IL1RAPL1: variants seen among roughly 807,000 people sequenced by gnomAD.
IL1RAPL1 encodes interleukin-1 receptor accessory protein-like 1.
In IL1RAPL1, 3 loss-of-function variants were observed where a neutral mutation model predicts 48.4. The observed-to-expected ratio is 0.06, with a 90% CI of 0.03 to 0.16. IL1RAPL1 has a LOEUF of 0.16. IL1RAPL1 is among the 10% of genes least tolerant of loss of function. The pLI is 1.00. For synonymous variants in IL1RAPL1, 185 were observed against 187.7 expected (o/e 0.99, Z 0.12); for missense variants, 349 against 530.6 (o/e 0.66, Z 3.36).
At chrX:29,458,127 A>T (rs900483385) in intron 5 of IL1RAPL1, among the ~76,000 whole-genome samples, 1 of 111,534 alleles carries the variant, frequency 9.0e-6, no homozygotes, top group Non-Finnish European at 1.9e-5. Context: ...TGTGGTTTTT[A>T]CTTGTTGATT....
intron 6 of IL1RAPL1, among the ~76,000 whole-genome samples, chrX:29,693,639 C>T (rs980087681): frequency 1.8e-5 from 2 of 111,894 alleles, no homozygotes; most frequent in Non-Finnish European, 3.8e-5. Context: ...ATAAGCTAAA[C>T]TGACATAACT....
intron 2 of IL1RAPL1, among the ~76,000 whole-genome samples, chrX:29,002,916 T>TACACACACACAC (rs371924976): frequency 1.5e-4 from 15 of 103,005 alleles, no homozygotes; most frequent in Middle Eastern, 5.1e-3. Context: ...GTTATGTGTG[T>TACACACACACAC]ACACACACAC....
intron 9 of IL1RAPL1, 67 bp downstream of exon 9, chrX:29,941,861 A>G: frequency 9.7e-7 from 1 of 1,033,781 alleles, no homozygotes; most frequent in Non-Finnish European, 1.3e-6. Context: ...TTGTTTTATT[A>G]AGGGGAAAAA....
At chrX:29,517,501 C>A (rs951072641) in intron 5 of IL1RAPL1, among the ~76,000 whole-genome samples, 6 of 111,492 alleles carry the variant, frequency 5.4e-5, no homozygotes, top group Non-Finnish European at 1.1e-4. Context: ...TGTGAATTTT[C>A]AGCCATTTGT....
chrX:29,527,612 G>A (rs1003953254), intron 5 of IL1RAPL1, among the ~76,000 whole-genome samples: 11 of 110,091 alleles, frequency 1.0e-4, no homozygotes, highest in South Asian at 3.8e-4. Flanking sequence ...GGCGTGAGCC[G>A]CTGTGCCTGG....
chrX:29,381,425 T>A (rs1390942272), intron 3 of IL1RAPL1, among the ~76,000 whole-genome samples: 1 of 80,802 alleles, frequency 1.2e-5, no homozygotes, highest in Non-Finnish European at 2.2e-5. Flanking sequence ...GAGGCCGAGG[T>A]GGGAGGATTG....
At chrX:29,723,437 C>T (rs1927693267) in intron 6 of IL1RAPL1, among the ~76,000 whole-genome samples, 1 of 111,277 alleles carries the variant, frequency 9.0e-6, no homozygotes, top group Non-Finnish European at 1.9e-5. Flanking sequence ...TTAGTAGAGA[C>T]GGGGTTTCGC....
intron 1 of IL1RAPL1, among the ~76,000 whole-genome samples, chrX:28,697,700 C>G (rs1287812623): frequency 9.0e-6 from 1 of 111,443 alleles, no homozygotes; most frequent in Non-Finnish European, 1.9e-5. Context: ...AATATTTGAT[C>G]AAGTTGTCAT....
chrX:29,132,671 T>C (rs895261926), intron 2 of IL1RAPL1, among the ~76,000 whole-genome samples: 2 of 111,870 alleles, frequency 1.8e-5, no homozygotes, highest in Non-Finnish European at 1.9e-5. Flanking sequence ...GGCTTATTTT[T>C]ATCTTGTGGA....
At chrX:28,814,033 C>T (rs1183647943) in intron 2 of IL1RAPL1, among the ~76,000 whole-genome samples, 3 of 110,590 alleles carry the variant, frequency 2.7e-5, no homozygotes, top group African/African-American at 9.8e-5. Flanking sequence ...TTCTTGGTTG[C>T]ACTCACAGTG....
At chrX:29,498,402 T>C (rs1305975426) in intron 5 of IL1RAPL1, among the ~76,000 whole-genome samples, 1 of 112,077 alleles carries the variant, frequency 8.9e-6, no homozygotes, top group Non-Finnish European at 1.9e-5. Context: ...TTTCTTTTCA[T>C]TGCCCTCTTC....
At chrX:29,416,915 T>C (rs926147677) in intron 5 of IL1RAPL1, among the ~76,000 whole-genome samples, 1 of 111,708 alleles carries the variant, frequency 9.0e-6, no homozygotes, top group Admixed American at 9.5e-5. Flanking sequence ...TTTTTTATTA[T>C]GTTAAAATTT....
At chrX:29,421,751 A>T in intron 5 of IL1RAPL1, among the ~76,000 whole-genome samples, 1 of 111,971 alleles carries the variant, frequency 8.9e-6, no homozygotes, top group East Asian at 2.8e-4. Context: ...CCCAAAAATG[A>T]TACAGAATGG....
At chrX:29,506,693 T>A (rs1935333970) in intron 5 of IL1RAPL1, among the ~76,000 whole-genome samples, 1 of 109,619 alleles carries the variant, frequency 9.1e-6, no homozygotes, top group Admixed American at 9.7e-5. Context: ...ATAGTACTGC[T>A]GAATGGCCAC....
intron 1 of IL1RAPL1, among the ~76,000 whole-genome samples, chrX:28,762,784 G>GCGCGCA (rs1936187585): frequency 1.8e-5 from 1 of 54,376 alleles, no homozygotes; most frequent in African/African-American, 1.2e-4. Flanking sequence ...ACGCACGCGC[G>GCGCGCA]CGCACACACA....
intron 1 of IL1RAPL1, among the ~76,000 whole-genome samples, chrX:28,747,322 T>G (rs937435593): frequency 8.9e-6 from 1 of 111,885 alleles, no homozygotes; most frequent in African/African-American, 3.2e-5. Flanking sequence ...AATCTATATT[T>G]CATTCTTACC....
At chrX:29,008,238 C>G (rs1330696181) in intron 2 of IL1RAPL1, among the ~76,000 whole-genome samples, 5 of 109,790 alleles carry the variant, frequency 4.6e-5, no homozygotes, top group Non-Finnish European at 9.5e-5. Context: ...GGCGTGATCT[C>G]GGCTCACTGC....
chrX:29,126,125 A>C, intron 2 of IL1RAPL1, among the ~76,000 whole-genome samples: 1 of 111,608 alleles, frequency 9.0e-6, no homozygotes, highest in Non-Finnish European at 1.9e-5. Context: ...AAGAATAGCT[A>C]ATTTTACAGT....
At chrX:28,815,839 GTATATATATATATATATATATATA>G (rs61436993) in intron 2 of IL1RAPL1, among the ~76,000 whole-genome samples, 33 of 29,109 alleles carry the variant, frequency 1.1e-3, no homozygotes, top group East Asian at 2.6e-3. Context: ...GTGTGTTTAT[GTATATATATATATATATATATATA>G]TATATATATA....
Sources: allele counts gnomAD v4.1 joint callset (sites outside exome capture counted in the v4.1 genomes callset), GRCh38; gene constraint gnomAD v4.1.1; transcripts MANE v1.5; gene names NCBI Gene and HGNC (gene_info 2026-07-23, HGNC 2026-07-21).